Variants in STXBP5 observed in about 807,000 individuals in gnomAD.
The protein encoded by STXBP5 is syntaxin-binding protein 5.
A neutral mutation model predicts 152.4 loss-of-function variants in STXBP5; 50 were observed. That is an observed-to-expected ratio of 0.33 (90% CI 0.26 to 0.42). STXBP5 has a LOEUF of 0.42. Among genes scored for constraint, STXBP5 ranks in the 10% least tolerant of loss-of-function variants. STXBP5 has a pLI of 1.00. For synonymous variants in STXBP5, 492 were observed against 494.7 expected (o/e 0.99, Z 0.07); for missense variants, 1,167 against 1,388.6 (o/e 0.84, Z 2.54).
intron 8 of STXBP5, among the ~76,000 whole-genome samples, chr6:147,289,861 G>A (rs2128350982): frequency 6.6e-6 from 1 of 152,200 alleles, no homozygotes; most frequent in African/African-American, 2.4e-5. Flanking sequence ...GCCAAACAAT[G>A]TTTGTCACCA....
At chr6:147,239,712 G>C (rs1351551959) in intron 4 of STXBP5, among the ~76,000 whole-genome samples, 1 of 152,086 alleles carries the variant, frequency 6.6e-6, no homozygotes, top group Non-Finnish European at 1.5e-5. Flanking sequence ...TTCCTCATCA[G>C]TGGACACATA....
At chr6:147,291,525 A>G (rs1781276276) in intron 9 of STXBP5, among the ~76,000 whole-genome samples, 1 of 152,154 alleles carries the variant, frequency 6.6e-6, no homozygotes. Context: ...ACTTATTTTT[A>G]CTATATATGT....
At chr6:147,313,111 G>A (rs1180854826) in intron 11 of STXBP5, among the ~76,000 whole-genome samples, 3 of 152,094 alleles carry the variant, frequency 2.0e-5, no homozygotes, top group African/African-American at 7.2e-5. Flanking sequence ...TGATAGTTGG[G>A]TTCATTTTGC....
At chr6:147,293,158 G>C (rs998235816) in intron 9 of STXBP5, 2 of 152,074 alleles carry the variant, frequency 1.3e-5, no homozygotes, top group Non-Finnish European at 2.9e-5. Context: ...TAGATATGTA[G>C]TATATCATCG....
chr6:147,371,273 C>G (rs1487570786), intron 25 of STXBP5, among the ~76,000 whole-genome samples: 2 of 151,934 alleles, frequency 1.3e-5, no homozygotes, highest in Admixed American at 6.6e-5. Flanking sequence ...GAAAAAATAC[C>G]TATATATTTT....
chr6:147,211,423 A>G (rs1448393396), intron 2 of STXBP5, among the ~76,000 whole-genome samples: 1 of 152,142 alleles, frequency 6.6e-6, no homozygotes, highest in African/African-American at 2.4e-5. Flanking sequence ...TGCTAAATTG[A>G]TTAATGACTT....
chr6:147,225,330 T>G (rs1777654730), intron 2 of STXBP5, among the ~76,000 whole-genome samples: 5 of 152,194 alleles, frequency 3.3e-5, no homozygotes, highest in Admixed American at 3.3e-4. Context: ...CTTATTCTTA[T>G]CTTTAAACTT....
At chr6:147,331,480 C>A (rs894219227) in intron 18 of STXBP5, among the ~76,000 whole-genome samples, 1 of 152,142 alleles carries the variant, frequency 6.6e-6, no homozygotes, top group Non-Finnish European at 1.5e-5. Flanking sequence ...AAGGATATTT[C>A]TCTGAAGCTC....
Position 147,386,509 on chromosome 6 carries a change from A to G in STXBP5, c.*1754A>G, listed in dbSNP as rs548147142. 3.3e-5 allele frequency: 5 copies of G among 151,938 alleles called. No individual in the cohort carries two copies. The highest frequency in any genetic ancestry group is 9.6e-5 in the African/African-American group (4 of 41,542). The allele number at this position is 151,938 out of a possible 1,614,324, so 9.4% of individuals were successfully genotyped here. On this transcript the variant is annotated 3_prime_UTR_variant, in exon 28 of 28. Transcript: ENST00000321680. ...TTAAATATCATTTGGTAGGGACTAA[A>G]TGTGTGTGATAGAGATAATTGATCA...
chr6:147,341,133 T>G (rs1483869226), intron 21 of STXBP5, among the ~76,000 whole-genome samples: 1 of 152,180 alleles, frequency 6.6e-6, no homozygotes, highest in Non-Finnish European at 1.5e-5. Context: ...TGTCACGTTT[T>G]TTTTCTTCTT....
At chr6:147,317,656 C>T (rs1245042429) in intron 16 of STXBP5, among the ~76,000 whole-genome samples, 1 of 152,174 alleles carries the variant, frequency 6.6e-6, no homozygotes, top group African/African-American at 2.4e-5. Flanking sequence ...TAAGCAGCTA[C>T]ATTTCTCAGA....
chr6:147,353,344 G>A lies in STXBP5; in HGVS notation c.2276G>A (p.Ser759Asn). Reference sequence around the variant, plus strand: ...TCAGCAAAGATGTCAAGGAAGTTAAGCTTACCTACTGACCTAAAGCCTGAT... The same window carrying A: ...TCAGCAAAGATGTCAAGGAAGTTAAACTTACCTACTGACCTAAAGCCTGAT... ...NDIAKMSRKL[S>N]LPTDLKPDLD... Residue 759 changes from serine (S) to asparagine (N), a missense_variant, in exon 22 of 28, where the codon AGC (serine) becomes AAC (asparagine). Ser to Asn is a conservative substitution (Grantham distance 46, BLOSUM62 1). Around this residue, in one of 3 missense-constraint regions of STXBP5, gnomAD observed 833 missense variants for 986.3 expected, o/e 0.84. Coordinates refer to ENST00000321680, the MANE Select transcript of STXBP5 (RefSeq NM_001127715.4). The A allele has an allele frequency of 6.3e-7, 1 of 1,582,776 alleles. No homozygotes were observed.
chr6:147,281,636 G>C (rs999450709), intron 8 of STXBP5, among the ~76,000 whole-genome samples: 1 of 152,062 alleles, frequency 6.6e-6, no homozygotes, highest in African/African-American at 2.4e-5. Context: ...TTCATCTAAT[G>C]GTTGTTCAAG....
intron 7 of STXBP5, among the ~76,000 whole-genome samples, chr6:147,275,453 A>G (rs1243385282): frequency 1.6e-5 from 2 of 125,014 alleles, no homozygotes; most frequent in African/African-American, 3.1e-5. Flanking sequence ...ATTGTGTTCT[A>G]TTTTCCATTC....
intron 16 of STXBP5, among the ~76,000 whole-genome samples, chr6:147,321,983 T>G (rs1242847670): frequency 6.6e-6 from 1 of 152,208 alleles, no homozygotes; most frequent in African/African-American, 2.4e-5. Flanking sequence ...GTTTTTTTGT[T>G]TCCTTATACT....
At position 147,389,110 on chromosome 6, in the gene STXBP5, C is replaced by T. The variant is rs1186643871; in HGVS notation, c.*4355C>T. The T allele has an allele frequency of 6.6e-6, 1 of 151,404 alleles. No individual in the cohort carries two copies. Among genetic ancestry groups the T allele is most frequent in the Non-Finnish European group, 1.5e-5 (1 of 67,596 alleles). The allele number at this position is 151,404 out of a possible 1,614,324, so 9.4% of individuals were successfully genotyped here. A position where few individuals can be genotyped will look rare whatever the true frequency, so the allele number is the denominator to read the frequency against. On this transcript the variant is annotated 3_prime_UTR_variant, in exon 28 of 28. Transcript: ENST00000321680. Reference sequence around the variant, plus strand: ...ATTTATGCCCACAGATTTTTCTTTTCATTTGAAAATGAATGTGAAGATACT... The same window carrying T: ...ATTTATGCCCACAGATTTTTCTTTTTATTTGAAAATGAATGTGAAGATACT...
chr6:147,230,142 G>A (rs1014669777), intron 2 of STXBP5, among the ~76,000 whole-genome samples: 4 of 151,744 alleles, frequency 2.6e-5, no homozygotes, highest in Non-Finnish European at 4.4e-5. Context: ...TTCTAACGTC[G>A]TGTATGCCAT....
chr6:147,363,856 G>A, intron 24 of STXBP5, 145 bp from the exon 25 acceptor site: 3 of 1,377,778 alleles, frequency 2.2e-6, no homozygotes, highest in Non-Finnish European at 2.9e-6. Context: ...AAGTATATGA[G>A]GAGTATAAAC....
chr6:147,246,893 A>C (rs185845816), intron 4 of STXBP5, among the ~76,000 whole-genome samples: 115 of 152,306 alleles, frequency 7.6e-4, no homozygotes, highest in African/African-American at 2.6e-3. Flanking sequence ...CTTATAATGT[A>C]CTGTAGCAAT....
Sources: allele counts gnomAD v4.1 joint callset (sites outside exome capture counted in the v4.1 genomes callset), GRCh38; gene constraint gnomAD v4.1.1; regional missense constraint gnomAD v4.1.1; transcripts MANE v1.5; gene names NCBI Gene and HGNC (gene_info 2026-07-23, HGNC 2026-07-21).